CD200: variants seen among roughly 807,000 people sequenced by gnomAD.
CD200 encodes the protein CD200 molecule.
In CD200, 15 loss-of-function variants were observed where a neutral mutation model predicts 30.9. The ratio of observed to expected loss-of-function variants is 0.49; its 90% CI spans 0.32 to 0.75. The LOEUF (loss-of-function observed/expected upper bound fraction) is 0.75. Among genes scored for constraint, CD200 ranks in the 30% least tolerant of loss-of-function variants. The pLI is 0.03. For synonymous variants in CD200, 134 were observed against 126.2 expected (o/e 1.06, Z -0.41); for missense variants, 262 against 324.2 (o/e 0.81, Z 1.47).
intron 5 of CD200, among the ~76,000 whole-genome samples, chr3:112,358,699 G>T (rs2081676945): frequency 6.6e-6 from 1 of 152,002 alleles, no homozygotes. Context: ...ATCCAAAGCT[G>T]CCCTAGGTTC....
chr3:112,335,336 GTTATTAGTC>G (rs2081088309), intron 1 of CD200, among the ~76,000 whole-genome samples: 1 of 152,176 alleles, frequency 6.6e-6, no homozygotes, highest in South Asian at 2.1e-4. Flanking sequence ...CAGTGACTAT[GTTATTAGTC>G]TTAGACCTAT....
chr3:112,333,627 G>A, intron 1 of CD200: 11 of 985,458 alleles, frequency 1.1e-5, no homozygotes, highest in Non-Finnish European at 1.2e-5. Context: ...AAAAGGGAAA[G>A]AGAAATGCTG....
chr3:112,360,511 T>A (rs2081720158), intron 5 of CD200, among the ~76,000 whole-genome samples: 1 of 152,206 alleles, frequency 6.6e-6, no homozygotes, highest in Admixed American at 6.5e-5. Context: ...TTAAATCTGA[T>A]AATTTAAAAA....
At chr3:112,361,515 G>A (rs773011593) in intron 5 of CD200, 28 bp from the exon 6 acceptor site, 5 of 1,576,002 alleles carry the variant, frequency 3.2e-6, no homozygotes, top group Non-Finnish European at 3.5e-6. Flanking sequence ...AGTGTCCAAA[G>A]TTAATACCTT....
intron 5 of CD200, among the ~76,000 whole-genome samples, chr3:112,360,055 C>T (rs760158811): frequency 9.9e-5 from 15 of 152,110 alleles, no homozygotes; most frequent in Non-Finnish European, 2.1e-4. Context: ...TTACAGGGTG[C>T]GGTGGCACAT....
Position 112,349,731 on chromosome 3 carries a change from G to A in CD200, c.714G>A (p.Pro238=), listed in dbSNP as rs572884612. The A allele has an allele frequency of 2.6e-5, 42 of 1,610,466 alleles. No homozygotes were observed. The Admixed American group carries it at 3.4e-4, about 13-fold the overall frequency. The change falls in exon 5 of 6, where the codon CCG becomes CCA. Residue 238 remains proline, a synonymous_variant. Transcript: ENST00000315711. Reference sequence around the variant, plus strand: ...CTATAGGCTATTGGTTTTCAGTTCCGCTATTGCTAAGCATTGTTTCCCTGG... The same window carrying A: ...CTATAGGCTATTGGTTTTCAGTTCCACTATTGCTAAGCATTGTTTCCCTGG... ...TVNKGYWFSV[P]LLLSIVSLVI... is the part of the protein sequence containing the mutation.
intron 3 of CD200, among the ~76,000 whole-genome samples, chr3:112,346,647 C>T (rs2081401839): frequency 6.6e-6 from 1 of 152,232 alleles, no homozygotes; most frequent in Non-Finnish European, 1.5e-5. Context: ...TTCCATAGCC[C>T]TACTTCCCCA....
intron 1 of CD200, among the ~76,000 whole-genome samples, chr3:112,336,407 A>G (rs2081118687): frequency 6.6e-6 from 1 of 152,124 alleles, no homozygotes; most frequent in African/African-American, 2.4e-5. Context: ...AAAATCCCAG[A>G]GAAATTGAAA....
rs949464627 is a variant in CD200 at position 112,362,392 on chromosome 3, G to A, written c.*842G>A. 4 of 152,210 alleles carry A rather than the reference G, an allele frequency of 2.6e-5. No homozygotes were observed. Among genetic ancestry groups the A allele is most frequent in the Non-Finnish European group, 4.4e-5 (3 of 68,020 alleles). 9.4% of individuals were successfully genotyped at this position (152,210 alleles called of 1,614,324 possible). ...ATAACATGACCCAGCCCTATTTTAC[G>A]TCATTCTAAATTCAGCCTCATATAA... is the stretch of plus-strand genomic sequence containing the variant. On this transcript the variant is annotated 3_prime_UTR_variant, in exon 6 of 6. Transcript: ENST00000315711.
At chr3:112,333,152 T>C, upstream of CD200, 1 of 1,546,670 alleles carries the variant, frequency 6.5e-7, no homozygotes, top group Non-Finnish European at 8.7e-7. Context: ...CCCGCCTGCC[T>C]AGCAGAGCTC....
chr3:112,353,710 AC>A (rs1641884946), intron 5 of CD200, among the ~76,000 whole-genome samples: 1 of 152,178 alleles, frequency 6.6e-6, no homozygotes, highest in African/African-American at 2.4e-5. Context: ...TGAAATAACA[AC>A]CTTTGCTTTG....
chr3:112,353,669 G>A (rs890476658), intron 5 of CD200, among the ~76,000 whole-genome samples: 1 of 152,028 alleles, frequency 6.6e-6, no homozygotes, highest in African/African-American at 2.4e-5. Context: ...TAGTTGAAAG[G>A]GGAAAACAAA....
rs2081763874 is a variant in CD200, at chr3:112,362,750, A to T, written c.*1200A>T. On this transcript the variant is annotated 3_prime_UTR_variant, in exon 6 of 6. Transcript: ENST00000315711. ...ATAGCAAGATTTTCATGTGTTATTTAATTCTGTATTGTTTCTTATATTTGT... is the reference window on the plus strand; with the variant it reads ...ATAGCAAGATTTTCATGTGTTATTTTATTCTGTATTGTTTCTTATATTTGT... 1 of 152,398 alleles carries T rather than the reference A, an allele frequency of 6.6e-6. No homozygotes were observed. The highest frequency in any genetic ancestry group is 2.4e-5 in the African/African-American group (1 of 41,352). 9.4% of individuals were successfully genotyped at this position (152,398 alleles called of 1,614,324 possible). A position where few individuals can be genotyped will look rare whatever the true frequency, so the allele number is the denominator to read the frequency against.
At chr3:112,350,772 C>A (rs1477237727) in intron 5 of CD200, among the ~76,000 whole-genome samples, 1 of 152,120 alleles carries the variant, frequency 6.6e-6, no homozygotes, top group Non-Finnish European at 1.5e-5. Flanking sequence ...AAATCTCACT[C>A]ATTTTTTCCT....
At chr3:112,354,615 G>A (rs911969335) in intron 5 of CD200, among the ~76,000 whole-genome samples, 4 of 152,122 alleles carry the variant, frequency 2.6e-5, no homozygotes, top group African/African-American at 9.7e-5. Context: ...TACTCAACAT[G>A]GCTTACAGAG....
chr3:112,339,356 A>G (rs2081188867), intron 1 of CD200, among the ~76,000 whole-genome samples: 1 of 152,244 alleles, frequency 6.6e-6, no homozygotes, highest in Non-Finnish European at 1.5e-5. Flanking sequence ...CCAAGGATAT[A>G]ATGTTCATGC....
chr3:112,337,295 G>A (rs1026644188), intron 1 of CD200, among the ~76,000 whole-genome samples: 7 of 152,146 alleles, frequency 4.6e-5, no homozygotes, highest in Admixed American at 1.3e-4. Flanking sequence ...AAATGCTTCC[G>A]AAGAGGAGGA....
At chr3:112,355,131 T>G (rs1489422545) in intron 5 of CD200, among the ~76,000 whole-genome samples, 2 of 152,202 alleles carry the variant, frequency 1.3e-5, no homozygotes, top group Admixed American at 6.5e-5. Flanking sequence ...TCACAAATGC[T>G]AAGAGGGTGT....
At chr3:112,348,125 G>A (rs1482244888) in intron 4 of CD200, among the ~76,000 whole-genome samples, 1 of 152,166 alleles carries the variant, frequency 6.6e-6, no homozygotes, top group Non-Finnish European at 1.5e-5. Flanking sequence ...GCCAGACTTT[G>A]AGTTGAACAT....
Sources: gnomAD v4.1 joint callset for allele counts (sites outside exome capture counted in the v4.1 genomes callset) on GRCh38, gnomAD v4.1.1 for gene constraint, MANE v1.5 for transcripts, NCBI Gene and HGNC (gene_info 2026-07-23, HGNC 2026-07-21) for gene names.